OR6B3: variants seen among roughly 807,000 people sequenced by gnomAD.
The protein encoded by OR6B3 is olfactory receptor 6B3.
For missense variants in OR6B3, 315 were observed against 427.4 expected (o/e 0.74, Z 2.32); for synonymous variants, 148 against 187.8 (o/e 0.79, Z 1.73).
exon 2 of OR6B3, chr2:240,045,569 G>A (rs1359796202): frequency 6.4e-7 from 1 of 1,553,766 alleles, no homozygotes. Flanking sequence ...TGGAGCCACA[G>A]AACGTGACGC....
rs1185876546 is a variant in OR6B3 at position 240,045,321 on chromosome 2, A to G, written c.752T>C (p.Phe251Ser). ...ATACATGAAAAGCAAGGCTGTATAG[A>G]AGACGGTGACCACGGTGAGGTGAGA... The change falls in exon 2 of 2, where the codon TTC becomes TCC. Residue 251 changes from phenylalanine to serine, a missense_variant. By Grantham distance (155) the Phe-to-Ser change is radical. Transcript: ENST00000641019. 4 of 1,614,218 alleles carry G rather than the reference A, an allele frequency of 2.5e-6. No homozygotes were observed. In the Admixed American group the frequency reaches 5.0e-5, roughly 20 times the overall value.
At chr2:240,046,450 G>T (rs1343813869) in intron 1 of OR6B3, among the ~76,000 whole-genome samples, 6 of 152,194 alleles carry the variant, frequency 3.9e-5, no homozygotes. Flanking sequence ...TCCTCCAGGG[G>T]ATGAGCCCTG....
chr2:240,052,620 A>G, the OR6B3 span, among the ~76,000 whole-genome samples: 1 of 152,110 alleles, frequency 6.6e-6, no homozygotes, highest in Non-Finnish European at 1.5e-5. The surrounding 1 kb of genome is among the most constrained non-coding windows in gnomAD (Gnocchi z 4.5). Flanking sequence ...CATATGTTAC[A>G]TCAGAAAGTG....
At chr2:240,052,031 C>G in the OR6B3 span, among the ~76,000 whole-genome samples, 6,515 of 152,198 alleles carry the variant, frequency 0.043, 372 homozygotes, top group African/African-American at 0.13. The surrounding 1 kb of genome is among the most constrained non-coding windows in gnomAD (Gnocchi z 4.5). Flanking sequence ...AAGAAGTAGA[C>G]AAAATTATCA....
intron 1 of OR6B3, 24 bp from the exon 3 acceptor site, chr2:240,046,121 G>C (rs1698185559): frequency 6.8e-7 from 1 of 1,473,114 alleles, no homozygotes; most frequent in African/African-American, 1.4e-5. Context: ...AAGAGCAAGA[G>C]GAAAGGGCTG....
intron 1 of OR6B3, among the ~76,000 whole-genome samples, chr2:240,046,538 G>A (rs1003641606): frequency 6.6e-6 from 1 of 152,150 alleles, no homozygotes; most frequent in African/African-American, 2.4e-5. Context: ...CCTGTTACCT[G>A]GTTTTAGGGT....
downstream of OR6B3, chr2:240,045,056 G>T (rs1376021471): frequency 1.9e-6 from 3 of 1,541,444 alleles, no homozygotes; most frequent in African/African-American, 4.2e-5. Context: ...CTACAATAAT[G>T]CAAACAGTCA....
At chr2:240,053,461 T>A in the OR6B3 span, among the ~76,000 whole-genome samples, 6,028 of 152,188 alleles carry the variant, frequency 0.04, 389 homozygotes, top group African/African-American at 0.13. This position sits in a 1 kb window ranked among gnomAD's most constrained non-coding sequence, Gnocchi z 4.1. Context: ...ACTGCTTACC[T>A]GATTGCAGCT....
At chr2:240,045,164 T>C (rs1559433886) in exon 2 of OR6B3, 5 of 1,614,176 alleles carry the variant, frequency 3.1e-6, no homozygotes, top group Non-Finnish European at 4.2e-6. Flanking sequence ...AGCCGAAGGC[T>C]TTTTTCAAGG....
chr2:240,045,388 G>A, exon 2 of OR6B3: 1 of 1,614,192 alleles, frequency 6.2e-7, no homozygotes, highest in Non-Finnish European at 8.5e-7. Context: ...GTGGCCGAGG[G>A]GATGCGCAGG....
upstream of OR6B3, among the ~76,000 whole-genome samples, chr2:240,048,536 C>A (rs1193463546): frequency 1.3e-5 from 2 of 152,098 alleles, no homozygotes; most frequent in East Asian, 3.9e-4. Context: ...TTGCTGCGCA[C>A]CCACTGGGCC....
upstream of OR6B3, among the ~76,000 whole-genome samples, chr2:240,048,260 C>T (rs549465683): frequency 5.3e-5 from 8 of 152,306 alleles, no homozygotes; most frequent in African/African-American, 9.6e-5. Flanking sequence ...TAGTATACGT[C>T]GTAGAACTGT....
chr2:240,045,525 G>A (rs1387261606), exon 2 of OR6B3: 8 of 1,604,224 alleles, frequency 5.0e-6, no homozygotes, highest in Non-Finnish European at 6.8e-6. Flanking sequence ...CTTGAGGATG[G>A]GGGAAATGTC....
At chr2:240,053,228 G>C in the OR6B3 span, among the ~76,000 whole-genome samples, 1 of 152,276 alleles carries the variant, frequency 6.6e-6, no homozygotes, top group East Asian at 1.9e-4. The surrounding 1 kb of genome is among the most constrained non-coding windows in gnomAD (Gnocchi z 4.1). Flanking sequence ...TATCCTGCAC[G>C]TTTCAGAAGG....
upstream of OR6B3, among the ~76,000 whole-genome samples, chr2:240,051,561 C>T (rs1386790351): frequency 6.6e-6 from 1 of 152,170 alleles, no homozygotes; most frequent in African/African-American, 2.4e-5. Context: ...TAGCAAATTC[C>T]TGATACGAAA....
chr2:240,048,154 T>C (rs981111390), upstream of OR6B3, among the ~76,000 whole-genome samples: 6 of 152,322 alleles, frequency 3.9e-5, no homozygotes, highest in Middle Eastern at 3.4e-3. Context: ...CCATAAATGG[T>C]AGCAATATTG....
At chr2:240,047,590 T>C (rs763372960), upstream of OR6B3, among the ~76,000 whole-genome samples, 26 of 152,248 alleles carry the variant, frequency 1.7e-4, no homozygotes, top group Non-Finnish European at 2.9e-4. Context: ...GGCAACCCTT[T>C]TTCTGTGTTT....
chr2:240,053,349 C>T, the OR6B3 span, among the ~76,000 whole-genome samples: 3 of 152,346 alleles, frequency 2.0e-5, no homozygotes, highest in East Asian at 5.8e-4. The surrounding 1 kb of genome is among the most constrained non-coding windows in gnomAD (Gnocchi z 4.1). Flanking sequence ...TGAGGCAACA[C>T]CGTTCAAGGT....
At chr2:240,045,042 G>A (rs747666422), downstream of OR6B3, 14 of 1,515,582 alleles carry the variant, frequency 9.2e-6, no homozygotes, top group East Asian at 4.5e-5. Flanking sequence ...AAATAAATGC[G>A]GTACTACAAT....
Sources: allele counts gnomAD v4.1 joint callset (sites outside exome capture counted in the v4.1 genomes callset), GRCh38; gene constraint gnomAD v4.1.1; non-coding constraint Gnocchi (gnomAD v3.1); transcripts MANE v1.5; gene names NCBI Gene and HGNC (gene_info 2026-07-23, HGNC 2026-07-21).